The following SULT6B1 variants were observed in gnomAD, a reference collection of about 807,000 sequenced individuals.
SULT6B1 encodes sulfotransferase family 6B member 1.
SULT6B1 carries 44 observed loss-of-function variants against 37.2 expected under a neutral mutation model. The observed-to-expected ratio is 1.18, with a 90% CI of 0.93 to 1.52. SULT6B1 has a LOEUF of 1.52. SULT6B1 is among the 40% of genes most tolerant of loss of function. The pLI is 0.00. For synonymous variants in SULT6B1, 140 were observed against 126.0 expected (o/e 1.11, Z -0.74); for missense variants, 450 against 361.0 (o/e 1.25, Z -2.00).
At chr2:37,177,480 T>C (rs1015846287) in intron 4 of SULT6B1, among the ~76,000 whole-genome samples, 3 of 148,330 alleles carry the variant, frequency 2.0e-5, no homozygotes, top group African/African-American at 7.4e-5. Context: ...TTCACTTATA[T>C]GTGGAATCTT....
chr2:37,189,663 G>A (rs1406188617), upstream of SULT6B1, among the ~76,000 whole-genome samples: 3 of 152,162 alleles, frequency 2.0e-5, no homozygotes, highest in Non-Finnish European at 4.4e-5. Flanking sequence ...AGTGCCCCCA[G>A]AAGGTCATAC....
chr2:37,193,651 G>GAA (rs1553345846), upstream of SULT6B1, among the ~76,000 whole-genome samples: 53 of 113,492 alleles, frequency 4.7e-4, no homozygotes, highest in African/African-American at 7.8e-4. Context: ...AGAAGAAGAA[G>GAA]GAGAAGAAGG....
At chr2:37,177,618 T>A (rs1364649898) in intron 4 of SULT6B1, among the ~76,000 whole-genome samples, 1 of 152,104 alleles carries the variant, frequency 6.6e-6, no homozygotes, top group Non-Finnish European at 1.5e-5. Context: ...GTTATGAGCA[T>A]CTTGAGATCT....
At chr2:37,169,072 C>T (rs1396086743) in intron 6 of SULT6B1, among the ~76,000 whole-genome samples, 1 of 152,322 alleles carries the variant, frequency 6.6e-6, no homozygotes, top group East Asian at 1.9e-4. Context: ...AATTTTAATA[C>T]TTTTTCACAT....
chr2:37,194,755 G>A (rs1375447121), intron 1 of SULT6B1: 2 of 164,486 alleles, frequency 1.2e-5, no homozygotes, highest in Non-Finnish European at 2.7e-5. Context: ...GGCCCAAGTT[G>A]GTAAAGCTTG....
upstream of SULT6B1, among the ~76,000 whole-genome samples, chr2:37,188,879 C>T (rs1011962020): frequency 6.6e-6 from 1 of 152,132 alleles, no homozygotes; most frequent in Non-Finnish European, 1.5e-5. Flanking sequence ...ATGACCATTT[C>T]GGCAACCTGC....
intron 5 of SULT6B1, among the ~76,000 whole-genome samples, chr2:37,174,006 G>T (rs780498362): frequency 6.6e-6 from 1 of 152,170 alleles, no homozygotes; most frequent in Non-Finnish European, 1.5e-5. Flanking sequence ...CTACCTCCTT[G>T]ACTCTTTCCT....
rs914437827 is a variant in SULT6B1, at chr2:37,188,359, G to A, written c.199+83C>T. On this transcript the variant is annotated intron_variant, in intron 1 of 6. Coordinates refer to ENST00000535679, the MANE Select transcript of SULT6B1 (RefSeq NM_001367551.1). Reference sequence around the variant, plus strand: ...AGACAGATTCCTGCAATGAGGAACCGCCTTCATCCCACCTTTGTCTCATAC... The same window carrying A: ...AGACAGATTCCTGCAATGAGGAACCACCTTCATCCCACCTTTGTCTCATAC... 4.7e-5 allele frequency: 56 copies of A among 1,191,792 alleles called. No homozygotes were observed. The East Asian group carries it at 5.2e-4, about 11-fold the overall frequency. The allele number at this position is 1,191,792 out of a possible 1,614,324, so 73.8% of individuals were successfully genotyped here.
chr2:37,189,091 G>A (rs1006788041), upstream of SULT6B1, among the ~76,000 whole-genome samples: 4 of 152,178 alleles, frequency 2.6e-5, no homozygotes, highest in African/African-American at 9.7e-5. Flanking sequence ...ATTTGGTGGG[G>A]TGGAAAAGAG....
intron 4 of SULT6B1, among the ~76,000 whole-genome samples, chr2:37,177,411 C>CAAAAAAA (rs57205863): frequency 8.1e-4 from 62 of 76,152 alleles, no homozygotes; most frequent in African/African-American, 9.7e-4. Context: ...AATCTTGTCT[C>CAAAAAAA]AAAAAAAAAA....
rs988722456 is a variant in SULT6B1, at chr2:37,194,403, T to C, written c.-22+2113A>G. The C allele has an allele frequency of 2.0e-5, 8 of 405,400 alleles. No homozygotes were observed. In the Admixed American group the frequency reaches 2.2e-4, roughly 11 times the overall value. 25.1% of individuals were successfully genotyped at this position (405,400 alleles called of 1,614,324 possible). On this transcript the variant is annotated intron_variant, in intron 1 of 7. Coordinates refer to the SULT6B1 transcript ENST00000407963. ...CTGACTATCTGTAGATTTTTGAAAG[T>C]GGTAACAGGTACATAGGTAATCAAA... is the stretch of plus-strand genomic sequence containing the variant.
upstream of SULT6B1, among the ~76,000 whole-genome samples, chr2:37,193,596 A>AG (rs1429667577): frequency 2.1e-3 from 238 of 111,578 alleles, 1 homozygote; most frequent in Admixed American, 4.8e-3. Flanking sequence ...AAGAAGAAGA[A>AG]AAAGAAGAAG....
Position 37,167,969 on chromosome 2 carries a change from G to T in SULT6B1, c.878C>A (p.Ala293Glu), listed in dbSNP as rs1298568612. The change falls in exon 7 of 7, where the codon GCA becomes GAA. Residue 293 changes from alanine to glutamate, a missense_variant. By Grantham distance (107) the Ala-to-Glu change is moderately radical. Transcript: ENST00000535679. ...KECLAGTSLGAKLKYESYCQG is the reference protein window; with the variant it reads ...KECLAGTSLGEKLKYESYCQG The stretch of plus-strand genomic sequence containing the variant: ...GCAATATGATTCATACTTCAACTTT[G>T]CTCCGAGGGAGGTGCCTGCTAAGCA... 4.4e-6 allele frequency: 7 copies of T among 1,598,878 alleles called. No individual in the cohort carries two copies. Among genetic ancestry groups the T allele is most frequent in the Non-Finnish European group, 6.0e-6 (7 of 1,176,400 alleles).
rs1233686671 is a variant in SULT6B1 at position 37,174,765 on chromosome 2, T to C, written c.624+367A>G. 3.4e-5 allele frequency among the ~76,000 whole-genome samples: 5 copies of C among 149,018 alleles called. No homozygotes were observed. The East Asian group carries it at 1.0e-3, about 30-fold the overall frequency. On this transcript the variant is annotated intron_variant, in intron 5 of 6. Transcript: ENST00000535679. ...GGTGAGCAATCACTCACTAGATATT[T>C]GTTACATCAATAAACAATTTTTAAA...
chr2:37,176,667 CA>C (rs370887573), intron 4 of SULT6B1, among the ~76,000 whole-genome samples: 162 of 152,232 alleles, frequency 1.1e-3, no homozygotes, highest in African/African-American at 3.6e-3. Context: ...TATTTTCTGT[CA>C]CAAATACCGT....
intron 6 of SULT6B1, among the ~76,000 whole-genome samples, chr2:37,170,415 C>T (rs1402370190): frequency 4.0e-5 from 6 of 151,672 alleles, no homozygotes; most frequent in African/African-American, 1.2e-4. Context: ...TGCCGTGAGC[C>T]GAGATCGCAC....
At position 37,183,450 on chromosome 2, in the gene SULT6B1, C is replaced by A. The variant is rs755285824; in HGVS notation, c.377G>T (p.Gly126Val). The A allele has an allele frequency of 6.2e-7, 1 of 1,613,686 alleles. No individual in the cohort carries two copies. The highest frequency in any genetic ancestry group is 8.5e-7 in the Non-Finnish European group (1 of 1,179,866). Reference protein sequence around the residue: ...ATHLHYDKLPGSIFENKAKIL... With the variant: ...ATHLHYDKLPVSIFENKAKIL... ...CTTGGCTTTATTCTCGAAGATAGAC[C>A]CAGGTAATTTGTCATAGTGGAGGTG... Residue 126 changes from glycine to valine, a missense_variant, in exon 3 of 7, where the codon GGG (glycine) becomes GTG (valine). Coordinates refer to ENST00000535679, the MANE Select transcript of SULT6B1 (RefSeq NM_001367551.1).
chr2:37,171,457 A>ACAGCCCGTGTGTGTCCTGAGACTT lies in SULT6B1; in HGVS notation c.757_758insAAGTCTCAGGACACACACGGGCTG (p.Ala252_Val253insGluValSerGlyHisThrArgAla), dbSNP rs1676295906. The ACAGCCCGTGTGTGTCCTGAGACTT allele has an allele frequency of 1.2e-6, 2 of 1,613,976 alleles. No homozygotes were observed. The highest frequency in any genetic ancestry group is 2.7e-5 in the African/African-American group (2 of 75,044). On this transcript the variant is annotated inframe_insertion, in exon 6 of 7. Transcript: ENST00000535679. ...ACCTTTGCGGAAAAGGAATGGGCCGACAGCACCGTGTGTGTCCTGAGACTT... is the reference window on the plus strand; with the variant it reads ...ACCTTTGCGGAAAAGGAATGGGCCGACAGCCCGTGTGTGTCCTGAGACTTCAGCACCGTGTGTGTCCTGAGACTT...
At chr2:37,171,362 T>C in intron 6 of SULT6B1, 72 bp downstream of exon 6, 2 of 1,524,854 alleles carry the variant, frequency 1.3e-6, no homozygotes, top group African/African-American at 2.8e-5. Context: ...AAGATGAAGT[T>C]ATTTGGATTA....
Sources: gnomAD v4.1 joint callset for allele counts (sites outside exome capture counted in the v4.1 genomes callset) on GRCh38, gnomAD v4.1.1 for gene constraint, MANE v1.5 for transcripts, NCBI Gene and HGNC (gene_info 2026-07-23, HGNC 2026-07-21) for gene names.